The following RPAP1 variants were observed in gnomAD, a reference collection of about 807,000 sequenced individuals.
RPAP1 encodes RNA polymerase II associated protein 1, also known as RNA polymerase II-associated protein 1.
In RPAP1, 109 loss-of-function variants were observed where a neutral mutation model predicts 142.4. The observed-to-expected ratio is 0.77, with a 90% CI of 0.66 to 0.90. The LOEUF (loss-of-function observed/expected upper bound fraction) is 0.90. Ranked by LOEUF, RPAP1 falls within the 40% of genes least tolerant of loss-of-function variation. RPAP1 has a pLI of 0.00. For synonymous variants in RPAP1, 704 were observed against 738.9 expected, an observed-to-expected ratio of 0.95 and a Z score of 0.77; for missense variants, 1,546 against 1,751.7, an observed-to-expected ratio of 0.88 and a Z score of 2.10.
At position 41,521,986 on chromosome 15, in the gene RPAP1, A is replaced by G. The variant is rs531681032; in HGVS notation, c.2896-106T>C. ...AGGCTGAAGGGCAGAGGTCCAGGGC[A>G]TGTCTGGAGGAAAGTGGGAGCTGCA... On this transcript the variant is annotated intron_variant, in intron 20 of 24. Transcript: ENST00000304330. The G allele has an allele frequency of 4.2e-4, 655 of 1,552,986 alleles. 1 individual carries two copies. The African/African-American group carries it at 8.2e-3, about 19-fold the overall frequency.
chr15:41,526,107 A>C (rs762177129), intron 14 of RPAP1, among the ~76,000 whole-genome samples: 3 of 151,446 alleles, frequency 2.0e-5, no homozygotes, highest in Non-Finnish European at 4.4e-5. Flanking sequence ...ACACTATTAT[A>C]CCTGGCTAAT....
intron 14 of RPAP1, among the ~76,000 whole-genome samples, chr15:41,525,649 T>C (rs1354296008): frequency 6.7e-6 from 1 of 150,056 alleles, no homozygotes; most frequent in Non-Finnish European, 1.5e-5. Context: ...TATTATTTTT[T>C]TATTTTTATT....
intron 14 of RPAP1, among the ~76,000 whole-genome samples, chr15:41,526,181 C>T (rs1477621056): frequency 6.6e-6 from 1 of 152,190 alleles, no homozygotes; most frequent in African/African-American, 2.4e-5. Context: ...AACTCCTGAC[C>T]TCAAGTGATC....
In RPAP1 at chr15:41,536,195, G is replaced by A. The variant is rs756345054; in HGVS notation, c.354C>T (p.Ala118=). 52 of 1,613,934 alleles carry A rather than the reference G, an allele frequency of 3.2e-5. No individual in the cohort carries two copies. The highest frequency in any genetic ancestry group is 4.5e-5 in the East Asian group (2 of 44,890). The change falls in exon 4 of 25, where the codon GCC becomes GCT. Residue 118 remains alanine (A), a synonymous_variant. Transcript: ENST00000304330. ...KIIERDTSSV[A]VNLPVPSGVA... ...CACCACTGGGCACAGGCAGATTCAC[G>A]GCCACTGAACTTGTATCTCGTTCCT...
intron 1 of RPAP1, among the ~76,000 whole-genome samples, chr15:41,541,006 G>A (rs1165515885): frequency 6.6e-6 from 1 of 152,096 alleles, no homozygotes; most frequent in East Asian, 1.9e-4. Context: ...AAGTAAAAAT[G>A]TCTGCAGACA....
At position 41,523,355 on chromosome 15, in the gene RPAP1, C is replaced by A; in HGVS notation, c.2437-1G>T. On this transcript the variant is annotated splice_acceptor_variant, in intron 17 of 24. Coordinates refer to ENST00000304330, the MANE Select transcript of RPAP1 (RefSeq NM_015540.4). LOFTEE classifies it high-confidence loss of function. ...GCCAATCCTCCGGGCATGAGCTTGGCTGGTGGACCAAGGAATTCACTGAGC... is the reference window on the plus strand; with the variant it reads ...GCCAATCCTCCGGGCATGAGCTTGGATGGTGGACCAAGGAATTCACTGAGC... The A allele has an allele frequency of 6.3e-7, 1 of 1,584,574 alleles. No individual in the cohort carries two copies. Among genetic ancestry groups the A allele is most frequent in the Non-Finnish European group, 8.6e-7 (1 of 1,161,228 alleles).
At chr15:41,528,458 G>T (rs1379754149) in intron 9 of RPAP1, 122 bp from the exon 10 acceptor site, 2 of 692,772 alleles carry the variant, frequency 2.9e-6, no homozygotes, top group Non-Finnish European at 5.0e-6. Flanking sequence ...TTTCCATGGA[G>T]CCTCAAGCCG....
chr15:41,520,956 T>A lies in RPAP1; in HGVS notation c.3230A>T (p.His1077Leu). The stretch of plus-strand genomic sequence containing the variant: ...TGGGACTCGCTGTAGCTCCCCTCGG[T>A]GCAGAGCCTGGGAGGCCAGCAGACT... Reference protein sequence around the residue: ...RASLLASQALHRGELQRVPTL... With the variant: ...RASLLASQALLRGELQRVPTL... The change falls in exon 22 of 25, where the codon CAC (histidine) becomes CTC (leucine). Residue 1077 changes from histidine to leucine, a missense_variant. Coordinates refer to ENST00000304330, the MANE Select transcript of RPAP1 (RefSeq NM_015540.4). 2 of 1,610,898 alleles carry A rather than the reference T, an allele frequency of 1.2e-6. No homozygotes were observed. Among genetic ancestry groups the A allele is most frequent in the Non-Finnish European group, 1.7e-6 (2 of 1,178,434 alleles).
At chr15:41,536,261 CT>C (rs3215915) in intron 3 of RPAP1, 43 bp from the exon 4 acceptor site, 93,350 of 1,572,334 alleles carry the variant, frequency 0.059, 4,468 homozygotes, top group East Asian at 0.3. Flanking sequence ...AATGGAGAAA[CT>C]TCCCCAGGCT....
Position 41,520,387 on chromosome 15 carries a change from G to C in RPAP1, c.3795+4C>G. The C allele has an allele frequency of 6.2e-7, 1 of 1,613,446 alleles. No homozygotes were observed. The highest frequency in any genetic ancestry group is 1.1e-5 in the South Asian group (1 of 91,058). Reference sequence around the variant, plus strand: ...TTGCAGGTCCTGCTGGGCTGAGAAAGTACCTGGGTCAGAGGCAGGCTCAGA... The same window carrying C: ...TTGCAGGTCCTGCTGGGCTGAGAAACTACCTGGGTCAGAGGCAGGCTCAGA... On this transcript the variant is annotated splice_donor_region_variant and intron_variant, in intron 22 of 24. Transcript: ENST00000304330.
At chr15:41,531,555 CAGAA>C (rs1268520588) in intron 6 of RPAP1, among the ~76,000 whole-genome samples, 1 of 146,742 alleles carries the variant, frequency 6.8e-6, no homozygotes, top group African/African-American at 2.5e-5. Context: ...AAGGCATTTA[CAGAA>C]AGAATTTCCT....
rs773617513 is a variant in RPAP1 at position 41,536,178 on chromosome 15, G to A, written c.371C>T (p.Pro124Leu). Reference sequence around the variant, plus strand: ...CACAGCAGGGAAAGCAACACCACTGGGCACAGGCAGATTCACGGCCACTGA... The same window carrying A: ...CACAGCAGGGAAAGCAACACCACTGAGCACAGGCAGATTCACGGCCACTGA... ...TSSVAVNLPV[P>L]SGVAFPAVFL... The change falls in exon 4 of 25, where the codon CCC becomes CTC. Residue 124 changes from proline to leucine, a missense_variant. This residue lies in a region of RPAP1 where 1,333 missense variants were observed against 1,486.6 expected (regional missense o/e 0.90). Transcript: ENST00000304330. 1 of 1,614,100 alleles carries A rather than the reference G, an allele frequency of 6.2e-7. No individual in the cohort carries two copies. The highest frequency in any genetic ancestry group is 8.5e-7 in the Non-Finnish European group (1 of 1,180,012).
At chr15:41,526,709 C>CCAGGCTCCAGTAAA (rs748851886) in intron 14 of RPAP1, among the ~76,000 whole-genome samples, 189 bp downstream of exon 14, 11 of 152,322 alleles carry the variant, frequency 7.2e-5, no homozygotes, top group African/African-American at 2.6e-4. Context: ...ATATGATGCA[C>CCAGGCTCCAGTAAA]CAGGCTCCAG....
chr15:41,537,271 ATCT>A (rs1181825257), intron 1 of RPAP1, 70 bp from the exon 2 acceptor site: 3 of 742,262 alleles, frequency 4.0e-6, no homozygotes, highest in Non-Finnish European at 6.5e-6. Context: ...AACAGCGAAG[ATCT>A]TCTTTATCCT....
At chr15:41,530,880 C>A in intron 7 of RPAP1, 143 bp downstream of exon 7, 1 of 782,696 alleles carries the variant, frequency 1.3e-6, no homozygotes, top group Non-Finnish European at 2.1e-6. Flanking sequence ...GCAATGAAGA[C>A]TGACTTGAAG....
At chr15:41,536,444 T>C in intron 3 of RPAP1, 57 bp downstream of exon 3, 1 of 1,598,598 alleles carries the variant, frequency 6.3e-7, no homozygotes, top group Middle Eastern at 1.7e-4. Flanking sequence ...ACCCCGAGCA[T>C]CCAATATCCC....
intron 1 of RPAP1, among the ~76,000 whole-genome samples, chr15:41,541,053 T>G (rs529224591): frequency 6.6e-6 from 1 of 151,766 alleles, no homozygotes. Flanking sequence ...TCACCCCCAG[T>G]TGAAAACCAC....
intron 7 of RPAP1, 35 bp from the exon 8 acceptor site, chr15:41,530,014 G>A (rs1017624174): frequency 3.2e-6 from 5 of 1,556,856 alleles, no homozygotes; most frequent in African/African-American, 2.7e-5. Flanking sequence ...TTACCCAAAC[G>A]GCTCAGCTCA....
chr15:41,527,358 G>A, intron 12 of RPAP1, 57 bp from the exon 13 acceptor site: 1 of 1,612,894 alleles, frequency 6.2e-7, no homozygotes, highest in Non-Finnish European at 8.5e-7. Flanking sequence ...GGGCATTGAT[G>A]GCCCCTCTTT....
Sources: gnomAD v4.1 joint callset for allele counts (sites outside exome capture counted in the v4.1 genomes callset) on GRCh38, gnomAD v4.1.1 for gene constraint, gnomAD v4.1.1 regional missense constraint, MANE v1.5 for transcripts, NCBI Gene and HGNC (gene_info 2026-07-23, HGNC 2026-07-21) for gene names.